Variants in STAT6 observed in about 807,000 individuals in gnomAD.
STAT6 encodes the protein signal transducer and activator of transcription 6.
A neutral mutation model predicts 106.3 loss-of-function variants in STAT6; 45 were observed. That is an observed-to-expected ratio of 0.42 (90% CI 0.33 to 0.54). The LOEUF is 0.54. STAT6 is among the 20% of genes least tolerant of loss of function. The pLI is 0.06. For missense variants in STAT6, 797 were observed against 1,062.2 expected (o/e 0.75, Z 3.47); for synonymous variants, 413 against 413.6 (o/e 1.00, Z 0.02).
chr12:57,108,811 G>C (rs545974421), intron 1 of STAT6, among the ~76,000 whole-genome samples: 12 of 152,254 alleles, frequency 7.9e-5, no homozygotes, highest in African/African-American at 2.9e-4. Context: ...CCTGAAACTC[G>C]ACTGCTTCTA....
rs759610600 is a variant in STAT6, at chr12:57,096,567, T to G, written c.*5A>C. On this transcript the variant is annotated 3_prime_UTR_variant, in exon 22 of 22. Transcript: ENST00000300134. ...TGTCTCTTTGGGTTCTCCCTCCAGC[T>G]GGGATCACCAACTGGGGTTGGCCCT... is the stretch of plus-strand genomic sequence containing the variant. 1 of 1,580,680 alleles carries G rather than the reference T, an allele frequency of 6.3e-7. No individual in the cohort carries two copies. The highest frequency in any genetic ancestry group is 8.6e-7 in the Non-Finnish European group (1 of 1,165,480).
intron 7 of STAT6, chr12:57,105,949 T>C: frequency 1.5e-6 from 1 of 670,360 alleles, no homozygotes; most frequent in Non-Finnish European, 2.5e-6. Flanking sequence ...CCTCTAGGCA[T>C]GGGGCTTGAG....
intron 9 of STAT6, 30 bp downstream of exon 9, chr12:57,105,121 T>C (rs2034187617): frequency 2.5e-5 from 40 of 1,591,074 alleles, no homozygotes; most frequent in Non-Finnish European, 3.3e-5. Flanking sequence ...TAACAGCCCT[T>C]CTCCAACCCC....
In STAT6 at chr12:57,104,595, G is replaced by A. The variant is rs944238460; in HGVS notation, c.1090-9C>T. The A allele has an allele frequency of 1.9e-6, 3 of 1,613,798 alleles. No individual in the cohort carries two copies. Among genetic ancestry groups the A allele is most frequent in the African/African-American group, 2.7e-5 (2 of 74,926 alleles). Reference sequence around the variant, plus strand: ...TTGATCTTCTTGAGAAGCTGTGGGTGGGGTGAGGGAGAGCAAGGGCGAGGT... The same window carrying A: ...TTGATCTTCTTGAGAAGCTGTGGGTAGGGTGAGGGAGAGCAAGGGCGAGGT... On this transcript the variant is annotated splice_polypyrimidine_tract_variant and intron_variant, in intron 10 of 21. Coordinates refer to ENST00000300134, the MANE Select transcript of STAT6 (RefSeq NM_003153.5).
Position 57,100,710 on chromosome 12 carries a change from GAA to G in STAT6, c.1513-622_1513-621del, listed in dbSNP as rs1279813303. ...AAAGAAAGAAAGAAAGAGAAAGAAA[GAA>G]AGAAAGAAAGAAAGAAAGAAAGAAA... is the stretch of plus-strand genomic sequence containing the variant. On this transcript the variant is annotated intron_variant, in intron 13 of 21. Coordinates refer to ENST00000300134, the MANE Select transcript of STAT6 (RefSeq NM_003153.5). The G allele has an allele frequency of 2.3e-3, 124 of 53,224 alleles. 1 individual carries two copies. The highest frequency in any genetic ancestry group is 2.7e-3 in the Non-Finnish European group (67 of 24,514). 3.3% of individuals were successfully genotyped at this position (53,224 alleles called of 1,614,324 possible).
chr12:57,107,710 G>A lies in STAT6; in HGVS notation c.150C>T (p.Cys50=). The A allele has an allele frequency of 1.2e-6, 2 of 1,614,162 alleles. No homozygotes were observed. The highest frequency in any genetic ancestry group is 8.5e-7 in the Non-Finnish European group (1 of 1,180,046). Residue 50 remains cysteine, a synonymous_variant, in exon 3 of 22, where the codon TGC becomes TGT. Transcript: ENST00000300134. ...EFLVGSDAFC[C]NLASALLSDT... is the part of the protein sequence containing the mutation. ...CTGAAAGTAGGGCACTAGCCAAGTT[G>A]CAGCAGAAGGCGTCGGAGCCGACCA...
chr12:57,101,769 A>G (rs953731189), intron 13 of STAT6, among the ~76,000 whole-genome samples: 3 of 151,188 alleles, frequency 2.0e-5, no homozygotes, highest in Non-Finnish European at 4.4e-5. Flanking sequence ...GGTTCAAGCA[A>G]TTCTCCTGCG....
rs766377445 is a variant in STAT6 at position 57,108,284 on chromosome 12, G to T, written c.-6C>A. 3.2e-6 allele frequency: 5 copies of T among 1,583,214 alleles called. No homozygotes were observed. In the South Asian group the frequency reaches 5.6e-5, roughly 18 times the overall value. On this transcript the variant is annotated 5_prime_UTR_variant, in exon 2 of 22. Transcript: ENST00000300134. ...ACCAGACCCCACAGAGACATGATCT[G>T]GGACTTGGAGGTTGCCTGGAGGAGA...
chr12:57,100,702 GAAAGAAAGAAAGAAAGAAAGAA>G (rs2033840763), intron 13 of STAT6: 20 of 55,724 alleles, frequency 3.6e-4, no homozygotes, highest in African/African-American at 1.0e-3. Context: ...GAAAGAAAGA[GAAAGAAAGAAAGAAAGAAAGAA>G]AGAAAGAAAG....
chr12:57,102,204 G>A, intron 13 of STAT6, 86 bp downstream of exon 13: 1 of 1,415,588 alleles, frequency 7.1e-7, no homozygotes, highest in Middle Eastern at 2.4e-4. Context: ...TCCAGTGGAA[G>A]GTCCCTGCAT....
At chr12:57,098,368 C>G (rs1592545379) in intron 19 of STAT6, 137 bp downstream of exon 19, 1 of 893,322 alleles carries the variant, frequency 1.1e-6, no homozygotes, top group East Asian at 2.5e-5. Flanking sequence ...CTACTACCCC[C>G]TCATTAGAGT....
chr12:57,102,128 C>G (rs1259772794), intron 13 of STAT6, among the ~76,000 whole-genome samples, 162 bp downstream of exon 13: 1 of 152,112 alleles, frequency 6.6e-6, no homozygotes, highest in Non-Finnish European at 1.5e-5. Context: ...ACCCCCAGGC[C>G]TGGGGTTTTT....
chr12:57,097,941 C>G lies in STAT6; in HGVS notation c.2159+564G>C, dbSNP rs77910404. Among the ~76,000 whole-genome samples the G allele has an allele frequency of 6.1e-3, 931 of 152,126 alleles. 6 individuals are homozygous for G. The highest frequency in any genetic ancestry group is 7.8e-3 in the Non-Finnish European group (533 of 67,994). On this transcript the variant is annotated intron_variant, in intron 19 of 21. Coordinates refer to ENST00000300134, the MANE Select transcript of STAT6 (RefSeq NM_003153.5). ...AAAATTCCTATCACACAAATATTTA[C>G]CATTATGTTACTATTTCCTTATACT...
At chr12:57,102,965 C>CTTTTTTTT (rs747615370) in intron 11 of STAT6, 44 bp from the exon 12 acceptor site, 8 of 303,360 alleles carry the variant, frequency 2.6e-5, no homozygotes, top group African/African-American at 1.2e-4. Flanking sequence ...TCTTTCTTTC[C>CTTTTTTTT]TTTTTTTTTT....
At position 57,108,158 on chromosome 12, in the gene STAT6, C is replaced by T; in HGVS notation, c.116+5G>A. Reference sequence around the variant, plus strand: ...GGGGACCAGCAGGGAGCAGCCAGGACTCACCAGGGCTGGCTCTCCAGCCAG... The same window carrying T: ...GGGGACCAGCAGGGAGCAGCCAGGATTCACCAGGGCTGGCTCTCCAGCCAG... On this transcript the variant is annotated splice_donor_5th_base_variant and intron_variant, in intron 2 of 21. Coordinates refer to ENST00000300134, the MANE Select transcript of STAT6 (RefSeq NM_003153.5). 1 of 1,585,180 alleles carries T rather than the reference C, an allele frequency of 6.3e-7. No homozygotes were observed. The highest frequency in any genetic ancestry group is 8.6e-7 in the Non-Finnish European group (1 of 1,157,380).
At chr12:57,097,858 C>G (rs531743092) in intron 19 of STAT6, among the ~76,000 whole-genome samples, 5 of 152,096 alleles carry the variant, frequency 3.3e-5, no homozygotes, top group South Asian at 2.1e-4. Context: ...TAAGATCGCA[C>G]CACTGCACTC....
At chr12:57,102,518 A>T in intron 12 of STAT6, 22 bp from the exon 13 acceptor site, 1 of 1,611,002 alleles carries the variant, frequency 6.2e-7, no homozygotes, top group Non-Finnish European at 8.5e-7. Context: ...GGGGAAGAAG[A>T]GAGCACTGCA....
At position 57,096,479 on chromosome 12, in the gene STAT6, A is replaced by G. The variant is rs1391798008; in HGVS notation, c.*93T>C. On this transcript the variant is annotated 3_prime_UTR_variant, in exon 22 of 22. Transcript: ENST00000300134. ...GTGGGGATAGGAGGGCACCCTCCCC[A>G]TCTGCTGCTTGGCAGGGCATGAGCA... 6.2e-6 allele frequency: 8 copies of G among 1,294,268 alleles called. No individual in the cohort carries two copies. Among genetic ancestry groups the G allele is most frequent in the African/African-American group, 1.5e-5 (1 of 66,606 alleles). The allele number at this position is 1,294,268 out of a possible 1,614,324, so 80.2% of individuals were successfully genotyped here.
In STAT6 at chr12:57,096,708, G is replaced by T. The variant is rs140273166; in HGVS notation, c.2408C>A (p.Thr803Asn). The T allele has an allele frequency of 3.2e-4, 516 of 1,611,536 alleles. 4 individuals are homozygous for T. In the African/African-American group the frequency reaches 6.4e-3, roughly 20 times the overall value. The change falls in exon 22 of 22, where the codon ACT becomes AAT. Residue 803 changes from threonine to asparagine, a missense_variant. Physicochemically the swap from Thr to Asn is moderately conservative, Grantham distance 65. This residue lies in a region of STAT6 where 226 missense variants were observed against 236.7 expected (regional missense o/e 0.95). Coordinates refer to ENST00000300134, the MANE Select transcript of STAT6 (RefSeq NM_003153.5). ...CCCTTGCCCCTCCAGGAGAAGCTTA[G>T]TGAGGTCCTGTTCAGTGGGAGGCAG... Reference protein sequence around the residue: ...PLLPPTEQDLTKLLLEGQGES... With the variant: ...PLLPPTEQDLNKLLLEGQGES...
Sources: gnomAD v4.1 joint callset for allele counts (sites outside exome capture counted in the v4.1 genomes callset) on GRCh38, gnomAD v4.1.1 for gene constraint, gnomAD v4.1.1 regional missense constraint, MANE v1.5 for transcripts, NCBI Gene and HGNC (gene_info 2026-07-23, HGNC 2026-07-21) for gene names.